The following RPH3A variants were observed in gnomAD, a reference collection of about 807,000 sequenced individuals.
RPH3A encodes the protein rabphilin 3A, also known as rabphilin-3A.
In RPH3A, 48 loss-of-function variants were observed where a neutral mutation model predicts 102.2. The observed-to-expected ratio is 0.47, with a 90% CI of 0.37 to 0.60. RPH3A has a LOEUF of 0.60. RPH3A is among the 20% of genes least tolerant of loss of function. RPH3A has a pLI of 0.00. For synonymous variants in RPH3A, 310 were observed against 324.3 expected (o/e 0.96, Z 0.47); for missense variants, 781 against 910.1 (o/e 0.86, Z 1.83).
At chr12:112,714,876 C>T (rs904995356) in intron 1 of RPH3A, among the ~76,000 whole-genome samples, 6 of 152,082 alleles carry the variant, frequency 3.9e-5, no homozygotes, top group East Asian at 1.9e-4. Context: ...AAAGTATAGC[C>T]GGTCTATTTT....
At position 112,738,468 on chromosome 12, in the gene RPH3A, A is replaced by C. The variant is rs769402470; in HGVS notation, c.-139-53675A>C. ...ATTTCCAAATAAGGTCACATTCTGA[A>C]ATTCCTGGTGGACATGCATTTTGCA... On this transcript the variant is annotated intron_variant, in intron 1 of 21. Coordinates refer to the RPH3A transcript ENST00000543106. 9.9e-4 allele frequency among the ~76,000 whole-genome samples: 151 copies of C among 152,260 alleles called. 1 individual carries two copies. The highest frequency in any genetic ancestry group is 6.8e-3 in the Middle Eastern group (2 of 294).
chr12:112,626,505 T>G (rs1167034519), intron 1 of RPH3A, among the ~76,000 whole-genome samples: 2 of 120,584 alleles, frequency 1.7e-5, no homozygotes, highest in African/African-American at 6.4e-5. Flanking sequence ...AAAACCACTA[T>G]GAGATATCAT....
chr12:112,781,365 G>A (rs1019230835), intron 1 of RPH3A, among the ~76,000 whole-genome samples: 2 of 152,102 alleles, frequency 1.3e-5, no homozygotes, highest in Non-Finnish European at 2.9e-5. Context: ...TGGGTTTGTC[G>A]TCTGATTGAA....
chr12:112,815,976 T>C (rs2041664673), intron 2 of RPH3A, among the ~76,000 whole-genome samples: 1 of 152,140 alleles, frequency 6.6e-6, no homozygotes, highest in South Asian at 2.1e-4. Context: ...TGTTGAACGA[T>C]GTCTGGTGTT....
At chr12:112,883,221 C>T in intron 15 of RPH3A, 72 bp from the exon 16 acceptor site, 1 of 1,236,890 alleles carries the variant, frequency 8.1e-7, no homozygotes, top group Non-Finnish European at 1.2e-6. Flanking sequence ...CCCACGTCAG[C>T]CCAAACGATG....
intron 1 of RPH3A, among the ~76,000 whole-genome samples, chr12:112,587,158 G>A (rs2039445084): frequency 1.3e-5 from 2 of 152,162 alleles, no homozygotes. Flanking sequence ...TGTTTCCTTT[G>A]AGAAAGTCAA....
chr12:112,776,993 T>G (rs12819103), intron 1 of RPH3A, among the ~76,000 whole-genome samples: 2 of 147,302 alleles, frequency 1.4e-5, no homozygotes, highest in Admixed American at 1.4e-4. Context: ...GTTCAAAGGG[T>G]GGAGAAGTTA....
intron 1 of RPH3A, among the ~76,000 whole-genome samples, chr12:112,647,764 G>A (rs1452694173): frequency 6.6e-6 from 1 of 152,202 alleles, no homozygotes; most frequent in Non-Finnish European, 1.5e-5. Context: ...AACTGCAGGT[G>A]CAAAGGCCCT....
intron 17 of RPH3A, 135 bp from the exon 18 acceptor site, chr12:112,889,888 GA>G (rs2043062731): frequency 4.1e-6 from 3 of 739,220 alleles, no homozygotes; most frequent in African/African-American, 1.7e-5. Context: ...GAGAATGCAG[GA>G]GAGCCACAGT....
At chr12:112,826,350 G>C (rs762552809) in intron 2 of RPH3A, among the ~76,000 whole-genome samples, 2 of 152,194 alleles carry the variant, frequency 1.3e-5, no homozygotes, top group African/African-American at 2.4e-5. Context: ...GGGAGCCAGC[G>C]TGTGCTAAGG....
intron 4 of RPH3A, among the ~76,000 whole-genome samples, chr12:112,846,358 C>T (rs140034418): frequency 2.2e-4 from 34 of 152,300 alleles, no homozygotes; most frequent in Admixed American, 1.4e-3. Context: ...CAAGGGCACG[C>T]GTGGGAAGGC....
intron 1 of RPH3A, among the ~76,000 whole-genome samples, chr12:112,654,659 A>C (rs1199852426): frequency 6.6e-6 from 1 of 152,146 alleles, no homozygotes; most frequent in Non-Finnish European, 1.5e-5. Flanking sequence ...CCCAAGCCTC[A>C]GCAAGGTTCT....
chr12:112,630,093 C>T (rs956561457), intron 1 of RPH3A, among the ~76,000 whole-genome samples: 1 of 151,986 alleles, frequency 6.6e-6, no homozygotes, highest in Admixed American at 6.6e-5. Flanking sequence ...TCCTCCTGTC[C>T]ATCTATCTGC....
intron 1 of RPH3A, among the ~76,000 whole-genome samples, chr12:112,607,914 A>G (rs1454765270): frequency 6.6e-6 from 1 of 152,124 alleles, no homozygotes; most frequent in African/African-American, 2.4e-5. Flanking sequence ...TTCCCGCTCT[A>G]AAACCTTTAG....
intron 1 of RPH3A, among the ~76,000 whole-genome samples, chr12:112,740,391 G>T (rs967643780): frequency 2.0e-5 from 3 of 152,160 alleles, no homozygotes; most frequent in Middle Eastern, 3.4e-3. Context: ...GTTGGTTCTG[G>T]GTATGCATAT....
chr12:112,797,056 C>T (rs748715243), intron 2 of RPH3A, among the ~76,000 whole-genome samples: 26 of 152,072 alleles, frequency 1.7e-4, no homozygotes, highest in African/African-American at 2.7e-4. Context: ...AAAAAAGACA[C>T]GATCCTTTTT....
intron 8 of RPH3A, chr12:112,869,032 G>C (rs1416216295): frequency 6.4e-6 from 1 of 156,318 alleles, no homozygotes; most frequent in African/African-American, 2.4e-5. Flanking sequence ...AAGGAAATCA[G>C]TAAAAGAAAA....
chr12:112,826,441 C>T (rs994078865), intron 2 of RPH3A, among the ~76,000 whole-genome samples: 3 of 152,072 alleles, frequency 2.0e-5, no homozygotes, highest in Admixed American at 6.5e-5. Flanking sequence ...CTTGCTTTTT[C>T]GGGATGAAGG....
At chr12:112,577,274 C>T (rs1012942209) in intron 1 of RPH3A, among the ~76,000 whole-genome samples, 13 of 152,206 alleles carry the variant, frequency 8.5e-5, no homozygotes, top group Non-Finnish European at 1.6e-4. Context: ...AAACAAGGGG[C>T]AGATTATTCA....
Sources: gnomAD v4.1 joint callset for allele counts (sites outside exome capture counted in the v4.1 genomes callset) on GRCh38, gnomAD v4.1.1 for gene constraint, MANE v1.5 for transcripts, NCBI Gene and HGNC (gene_info 2026-07-23, HGNC 2026-07-21) for gene names.